DGKH: variants seen among roughly 807,000 people sequenced by gnomAD.
DGKH encodes diacylglycerol kinase eta, also known as DAG kinase eta.
Under a neutral mutation model 159.3 loss-of-function variants are expected in DGKH, and 90 were observed. The ratio of observed to expected loss-of-function variants is 0.57; its 90% confidence interval spans 0.48 to 0.67. The LOEUF is 0.67. Among genes scored for constraint, DGKH ranks in the 30% least tolerant of loss-of-function variants. DGKH has a pLI of 0.00. For missense variants in DGKH, 1,181 were observed against 1,506.1 expected (o/e 0.78, Z 3.57); for synonymous variants, 536 against 553.8 (o/e 0.97, Z 0.45).
At chr13:42,112,032 C>T (rs934973720) in intron 1 of DGKH, among the ~76,000 whole-genome samples, 2 of 152,214 alleles carry the variant, frequency 1.3e-5, no homozygotes, top group African/African-American at 4.8e-5. Flanking sequence ...GCTGCCAGCA[C>T]ACATTACACT....
chr13:42,171,629 T>C (rs1211010871), intron 11 of DGKH, among the ~76,000 whole-genome samples: 1 of 152,214 alleles, frequency 6.6e-6, no homozygotes, highest in African/African-American at 2.4e-5. Context: ...TTTCTACTCG[T>C]GGTTTTCCCT....
In DGKH at chr13:42,242,814, T is replaced by C. The variant is rs905915236; in HGVS notation, c.*13626T>C. On this transcript the variant is annotated 3_prime_UTR_variant, in exon 30 of 30. Transcript: ENST00000337343. ...CTGAAAGTAATGGTTGATCCTGATG[T>C]ACATGATGATGAAAGACATCTTTCC... is the stretch of plus-strand genomic sequence containing the variant. 1 of 152,254 alleles carries C rather than the reference T, an allele frequency of 6.6e-6. No individual in the cohort carries two copies. The highest frequency in any genetic ancestry group is 6.5e-5 in the Admixed American group (1 of 15,290). 9.4% of individuals were successfully genotyped at this position (152,254 alleles called of 1,614,324 possible). A position where few individuals can be genotyped will look rare whatever the true frequency, so the allele number is the denominator to read the frequency against.
intron 3 of DGKH, among the ~76,000 whole-genome samples, chr13:42,151,611 A>ACCCCC (rs1477125673): frequency 2.0e-5 from 2 of 100,570 alleles, no homozygotes; most frequent in South Asian, 3.9e-4. Flanking sequence ...ACACACACAC[A>ACCCCC]CACCCCATGG....
chr13:42,196,828 C>A (rs1024312897), intron 17 of DGKH, among the ~76,000 whole-genome samples: 1 of 152,182 alleles, frequency 6.6e-6, no homozygotes, highest in African/African-American at 2.4e-5. Flanking sequence ...AAAGAAAGAT[C>A]AATCTGAAAC....
chr13:42,247,591 C>G (rs1328141079), downstream of DGKH, among the ~76,000 whole-genome samples: 1 of 152,154 alleles, frequency 6.6e-6, no homozygotes, highest in African/African-American at 2.4e-5. Context: ...AAAAAGTTAA[C>G]TATGAAACAG....
intron 3 of DGKH, among the ~76,000 whole-genome samples, chr13:42,146,481 T>C (rs1032817519): frequency 3.3e-5 from 5 of 152,226 alleles, no homozygotes; most frequent in Admixed American, 3.3e-4. Flanking sequence ...TGATTGCACA[T>C]TGTAATAGCA....
At chr13:42,161,911 T>C (rs78837167) in intron 7 of DGKH, among the ~76,000 whole-genome samples, 12,047 of 152,336 alleles carry the variant, frequency 0.079, 582 homozygotes, top group Middle Eastern at 0.15. Flanking sequence ...TCAGTAGTTT[T>C]TAAACTCTGT....
intron 1 of DGKH, chr13:42,070,093 T>C: frequency 2.1e-6 from 2 of 960,216 alleles, no homozygotes; most frequent in Non-Finnish European, 3.4e-6. Flanking sequence ...ATCTTCAATA[T>C]GAAAAGGATG....
intron 1 of DGKH, among the ~76,000 whole-genome samples, chr13:42,081,967 C>T (rs75060161): frequency 0.042 from 6,389 of 152,252 alleles, 153 homozygotes; most frequent in African/African-American, 0.068. Flanking sequence ...AATGAGTTCA[C>T]ATAGGAACCT....
At chr13:42,093,058 A>G (rs1594016413) in intron 1 of DGKH, among the ~76,000 whole-genome samples, 1 of 152,112 alleles carries the variant, frequency 6.6e-6, no homozygotes, top group Non-Finnish European at 1.5e-5. Context: ...AGCCAGGGCA[A>G]CATGGTGAAG....
chr13:42,244,754 A>G (rs1256327185), downstream of DGKH, among the ~76,000 whole-genome samples: 17 of 151,250 alleles, frequency 1.1e-4, no homozygotes, highest in Admixed American at 9.9e-4. Context: ...AATACAAAAA[A>G]TTAGCCGGGC....
Position 42,239,955 on chromosome 13 carries a change from A to T in DGKH, c.*10767A>T, listed in dbSNP as rs1958486206. On this transcript the variant is annotated 3_prime_UTR_variant, in exon 30 of 30. Transcript: ENST00000337343. ...ATGAACATGTTCAAGACTCAGTTCA[A>T]ATTTAACTTTCTGTGAAGCCCTACC... 6.6e-6 allele frequency: 1 copy of T among 152,204 alleles called. No homozygotes were observed. The highest frequency in any genetic ancestry group is 1.5e-5 in the Non-Finnish European group (1 of 68,026). 9.4% of individuals were successfully genotyped at this position (152,204 alleles called of 1,614,324 possible).
intron 1 of DGKH, among the ~76,000 whole-genome samples, chr13:42,093,114 C>T (rs929265272): frequency 6.6e-6 from 1 of 151,802 alleles, no homozygotes; most frequent in Non-Finnish European, 1.5e-5. Flanking sequence ...CATGGTGGCA[C>T]ACACTTGTAG....
chr13:42,065,268 A>T (rs1342548813), intron 1 of DGKH, among the ~76,000 whole-genome samples: 2 of 152,194 alleles, frequency 1.3e-5, no homozygotes, highest in African/African-American at 4.8e-5. Flanking sequence ...TTGTAGATTG[A>T]GTATCATCTA....
chr13:42,215,769 G>A, intron 26 of DGKH, 102 bp downstream of exon 26: 3 of 1,034,538 alleles, frequency 2.9e-6, no homozygotes, highest in Non-Finnish European at 4.2e-6. Context: ...GGCAGAAGCA[G>A]CCTTCTGGCT....
chr13:42,240,101 C>G lies in DGKH; in HGVS notation c.*10913C>G, dbSNP rs1958488675. 6.6e-6 allele frequency: 1 copy of G among 152,176 alleles called. No individual in the cohort carries two copies. Among genetic ancestry groups the G allele is most frequent in the African/African-American group, 2.4e-5 (1 of 41,438 alleles). The allele number at this position is 152,176 out of a possible 1,614,324, so 9.4% of individuals were successfully genotyped here. A position where few individuals can be genotyped will look rare whatever the true frequency, so the allele number is the denominator to read the frequency against. On this transcript the variant is annotated 3_prime_UTR_variant, in exon 30 of 30. Transcript: ENST00000337343. ...GTCTCTTCCACTGAACTTCTCTCTCCCCCTTTGTATTCTCAGTGTCTAGCT... is the reference window on the plus strand; with the variant it reads ...GTCTCTTCCACTGAACTTCTCTCTCGCCCTTTGTATTCTCAGTGTCTAGCT...
chr13:42,191,200 A>C (rs1163481657), intron 16 of DGKH, among the ~76,000 whole-genome samples: 1 of 152,232 alleles, frequency 6.6e-6, no homozygotes, highest in African/African-American at 2.4e-5. Flanking sequence ...TTTCTAACGT[A>C]CTGGAATAAA....
intron 1 of DGKH, among the ~76,000 whole-genome samples, chr13:42,089,010 A>G (rs565840263): frequency 6.6e-6 from 1 of 152,352 alleles, no homozygotes; most frequent in South Asian, 2.1e-4. Flanking sequence ...AAGAACCATT[A>G]CTAGGGATAG....
chr13:42,077,607 TTGGCCC>T (rs1157172398), intron 1 of DGKH, among the ~76,000 whole-genome samples: 1 of 152,254 alleles, frequency 6.6e-6, no homozygotes, highest in African/African-American at 2.4e-5. Flanking sequence ...TTTACTATGC[TTGGCCC>T]TGGCCTTGAA....
Sources: gnomAD v4.1 joint callset for allele counts (sites outside exome capture counted in the v4.1 genomes callset) on GRCh38, gnomAD v4.1.1 for gene constraint, MANE v1.5 for transcripts, NCBI Gene and HGNC (gene_info 2026-07-23, HGNC 2026-07-21) for gene names.